The following SCARF1 variants were observed in gnomAD, a reference collection of about 807,000 sequenced individuals.
SCARF1 encodes acetyl LDL receptor.
SCARF1 carries 49 observed loss-of-function variants against 76.3 expected under a neutral mutation model. The observed-to-expected ratio is 0.64, with a 90% CI of 0.51 to 0.81. The LOEUF (loss-of-function observed/expected upper bound fraction) is 0.81. Among genes scored for constraint, SCARF1 ranks in the 40% least tolerant of loss-of-function variants. The pLI, the probability that SCARF1 is intolerant of heterozygous loss-of-function variation, is 0.00. For synonymous variants in SCARF1, 495 were observed against 474.6 expected, an observed-to-expected ratio of 1.04 and a Z score of -0.56; for missense variants, 1,098 against 1,143.9, an observed-to-expected ratio of 0.96 and a Z score of 0.58.
At chr17:1,635,674 C>A in intron 10 of SCARF1, 57 bp from the exon 11 acceptor site, 1 of 1,531,234 alleles carries the variant, frequency 6.5e-7, no homozygotes, top group South Asian at 1.2e-5. Context: ...CCAATGCATC[C>A]TACCCACAGC....
At chr17:1,642,862 C>T (rs963220576) in intron 4 of SCARF1, among the ~76,000 whole-genome samples, 1 of 152,050 alleles carries the variant, frequency 6.6e-6, no homozygotes, top group Non-Finnish European at 1.5e-5. Flanking sequence ...AGGCGCAGCC[C>T]GGCTAATTTT....
rs754479179 is a variant in SCARF1 at position 1,640,066 on chromosome 17, G to C, written c.1011-26C>G. On this transcript the variant is annotated intron_variant, in intron 5 of 10. Coordinates refer to ENST00000263071, the MANE Select transcript of SCARF1 (RefSeq NM_003693.4). The surrounding 1 kb of genome is among the most constrained non-coding windows in gnomAD (Gnocchi z 4.7). ...CTGGGGTGAGGCAAGACTCGGGGAA[G>C]GGGAGACCAAGGCAGGCCTGGCCCC... 21 of 1,610,654 alleles carry C rather than the reference G, an allele frequency of 1.3e-5. 1 individual carries two copies. In the East Asian group the frequency reaches 4.2e-4, roughly 32 times the overall value.
At chr17:1,636,916 A>C in intron 9 of SCARF1, 25 bp downstream of exon 9, 1 of 1,613,818 alleles carries the variant, frequency 6.2e-7, no homozygotes, top group Non-Finnish European at 8.5e-7. Context: ...CCAATCCCAG[A>C]CCCCGGCCCC....
intron 10 of SCARF1, among the ~76,000 whole-genome samples, chr17:1,636,358 G>A (rs1191927374): frequency 6.6e-6 from 1 of 152,186 alleles, no homozygotes; most frequent in Admixed American, 6.6e-5. Context: ...TTGCTGGCCA[G>A]GCGCAGTGGC....
chr17:1,635,462 TG>T lies in SCARF1; in HGVS notation c.1788del (p.Lys597SerfsTer92), dbSNP rs1268307873. ...KRPSVSFAEGTKFAPQSRRSS... is the reference protein window; with the variant it reads ...KRPSVSFAEGXKFAPQSRRSS... ...CTTCGGCGACTCTGTGGTGCAAACTTGGTACCTTCCGCGAAGGAGACCGATG... is the reference window on the plus strand; with the variant it reads ...CTTCGGCGACTCTGTGGTGCAAACTTGTACCTTCCGCGAAGGAGACCGATG... On this transcript the variant is annotated frameshift_variant, in exon 11 of 11. Coordinates refer to ENST00000263071, the MANE Select transcript of SCARF1 (RefSeq NM_003693.4). LOFTEE classifies it low-confidence loss of function (END_TRUNC). 3 of 1,613,932 alleles carry T rather than the reference TG, an allele frequency of 1.9e-6. No individual in the cohort carries two copies. Among genetic ancestry groups the T allele is most frequent in the Non-Finnish European group, 2.5e-6 (3 of 1,179,964 alleles).
chr17:1,644,701 T>C lies in SCARF1; in HGVS notation c.265+133A>G, dbSNP rs757935683. 3.6e-4 allele frequency: 298 copies of C among 832,286 alleles called. No individual in the cohort carries two copies. Among genetic ancestry groups the C allele is most frequent in the Non-Finnish European group, 5.2e-4 (271 of 523,734 alleles). The allele number at this position is 832,286 out of a possible 1,614,324, so 51.6% of individuals were successfully genotyped here. A position where few individuals can be genotyped will look rare whatever the true frequency, so the allele number is the denominator to read the frequency against. ...GTCACTTCCTGTCTCTGGACCGCAA[T>C]TCCTCAGTGAAGCTGGGGGGGATTC... On this transcript the variant is annotated intron_variant, in intron 3 of 10. Transcript: ENST00000263071. The surrounding 1 kb of genome is among the most constrained non-coding windows in gnomAD (Gnocchi z 4.8).
In SCARF1 at chr17:1,639,632, A is replaced by G. The variant is rs1413310054; in HGVS notation, c.1243+7T>C. The G allele has an allele frequency of 6.4e-7, 1 of 1,555,288 alleles. No homozygotes were observed. The highest frequency in any genetic ancestry group is 2.4e-5 in the East Asian group (1 of 42,026). ...CTACTGCACCCCGCAGCCTTCTTCC[A>G]CCTTACCTGGCTGGCAGGACCCAGA... On this transcript the variant is annotated splice_region_variant and intron_variant, in intron 7 of 10. Transcript: ENST00000263071.
At position 1,644,530 on chromosome 17, in the gene SCARF1, G is replaced by C; in HGVS notation, c.265+304C>G. The C allele has an allele frequency of 1.8e-6, 1 of 541,794 alleles. No individual in the cohort carries two copies. Among genetic ancestry groups the C allele is most frequent in the Non-Finnish European group, 3.3e-6 (1 of 301,262 alleles). 33.6% of individuals were successfully genotyped at this position (541,794 alleles called of 1,614,324 possible). On this transcript the variant is annotated intron_variant, in intron 3 of 10. Transcript: ENST00000263071. The surrounding 1 kb of genome is among the most constrained non-coding windows in gnomAD (Gnocchi z 4.8). ...TCCACTGCCCATGTATAAGGTATAT[G>C]TGGGAAAGGCAAGTAATACACTCAT...
At chr17:1,635,767 G>T in intron 10 of SCARF1, 150 bp from the exon 11 acceptor site, 1 of 849,352 alleles carries the variant, frequency 1.2e-6, no homozygotes, top group Non-Finnish European at 1.7e-6. Flanking sequence ...AATTCAGGTA[G>T]ACACTGTTAC....
Position 1,644,987 on chromosome 17 carries a change from C to G in SCARF1, c.164-52G>C, listed in dbSNP as rs758680721. ...AAGACGGGAGCAGGACCAGGGGACA[C>G]CCCTGCCCTCTCACTGGCTCCAGGG... On this transcript the variant is annotated intron_variant, in intron 2 of 10. Coordinates refer to ENST00000263071, the MANE Select transcript of SCARF1 (RefSeq NM_003693.4). The surrounding 1 kb of genome is among the most constrained non-coding windows in gnomAD (Gnocchi z 4.8). 15 of 1,585,588 alleles carry G rather than the reference C, an allele frequency of 9.5e-6. No individual in the cohort carries two copies. The highest frequency in any genetic ancestry group is 2.7e-5 in the African/African-American group (2 of 74,584).
In SCARF1 at chr17:1,640,366, GGGTGGTGCTCTCGGAGAGAGCC is replaced by G. The variant is rs542751435; in HGVS notation, c.1010+60_1010+81del. The stretch of plus-strand genomic sequence containing the variant: ...GCCGCATGAACCTGTGTGTCGGGGA[GGGTGGTGCTCTCGGAGAGAGCC>G]GCTGAGCTGAGGGTCCTGGGGGAAG... On this transcript the variant is annotated intron_variant, in intron 5 of 10. Transcript: ENST00000263071. The surrounding 1 kb of genome is among the most constrained non-coding windows in gnomAD (Gnocchi z 4.7). 1.3e-3 allele frequency: 1,659 copies of G among 1,267,076 alleles called. 4 individuals are homozygous for G. Among genetic ancestry groups the G allele is most frequent in the Middle Eastern group, 4.1e-3 (15 of 3,662 alleles). 78.5% of individuals were successfully genotyped at this position (1,267,076 alleles called of 1,614,324 possible). A position where few individuals can be genotyped will look rare whatever the true frequency, so the allele number is the denominator to read the frequency against.
In SCARF1 at chr17:1,634,920, G is replaced by A. The variant is rs756626887; in HGVS notation, c.2331C>T (p.Val777=). 3.7e-6 allele frequency: 6 copies of A among 1,613,452 alleles called. No individual in the cohort carries two copies. The highest frequency in any genetic ancestry group is 3.3e-5 in the South Asian group (3 of 91,074). Residue 777 remains valine, a synonymous_variant, in exon 11 of 11, where the codon GTC becomes GTT. Transcript: ENST00000263071. ...TCTCGGTGCCAGCCCCCAGCCCCCG[G>A]ACCGCTTCCTCTGGTCTGACTGCCA... is the stretch of plus-strand genomic sequence containing the variant. ...GPMAVRPEEA[V]RGLGAGTESS...
chr17:1,643,677 A>C lies in SCARF1; in HGVS notation c.556T>G (p.Trp186Gly), dbSNP rs1399928641. ...TGACVCKPGW[W>G]GRRCSFRCNC... ...CAGCGGAAGCTGCAGCGGCGCCCCC[A>C]CCAGCCCGGCTTGCACACGCAGGCG... The change falls in exon 4 of 11, where the codon TGG (tryptophan) becomes GGG (glycine). Residue 186 changes from tryptophan (W) to glycine (G), a missense_variant. By Grantham distance (184) the Trp-to-Gly change is radical (BLOSUM62 -2). Transcript: ENST00000263071. The C allele has an allele frequency of 4.8e-6, 7 of 1,464,294 alleles. No individual in the cohort carries two copies. The highest frequency in any genetic ancestry group is 6.3e-6 in the Non-Finnish European group (7 of 1,115,272). The allele number at this position is 1,464,294 out of a possible 1,614,324, so 90.7% of individuals were successfully genotyped here.
In SCARF1 at chr17:1,635,208, G is replaced by A. The variant is rs1909434798; in HGVS notation, c.2043C>T (p.Val681=). ...TGGTCACAGGGCCCGAGCTCTCCTGGACGCTGCCCTCAATGGCTTCCACGT... is the reference window on the plus strand; with the variant it reads ...TGGTCACAGGGCCCGAGCTCTCCTGAACGCTGCCCTCAATGGCTTCCACGT... ...AEHVEAIEGS[V]QESSGPVTTI... The change falls in exon 11 of 11, where the codon GTC becomes GTT. Residue 681 remains valine, a synonymous_variant. Transcript: ENST00000263071. 4.3e-6 allele frequency: 7 copies of A among 1,613,334 alleles called. No individual in the cohort carries two copies. Among genetic ancestry groups the A allele is most frequent in the Admixed American group, 1.7e-5 (1 of 60,032 alleles).
chr17:1,640,659 G>A lies in SCARF1; in HGVS notation c.799C>T (p.Arg267Cys), dbSNP rs748661614. 16 of 1,611,502 alleles carry A rather than the reference G, an allele frequency of 9.9e-6. No individual in the cohort carries two copies. Among genetic ancestry groups the A allele is most frequent in the African/African-American group, 2.7e-5 (2 of 74,864 alleles). Residue 267 changes from arginine to cysteine, a missense_variant, in exon 5 of 11, where the codon CGC (arginine) becomes TGC (cysteine). Physicochemically the swap from Arg to Cys is radical, Grantham distance 180. Transcript: ENST00000263071. The surrounding 1 kb of genome is among the most constrained non-coding windows in gnomAD (Gnocchi z 4.7). The stretch of plus-strand genomic sequence containing the variant: ...GAGCACGGCTCATTGTGTTTGCAGC[G>A]GCCACAGCTGGGAAGAGAAGGGCTT... ...HGVQCAHSCG[R>C]CKHNEPCSPD...
At position 1,633,899 on chromosome 17, in the gene SCARF1, G is replaced by T. The variant is rs539524921; in HGVS notation, c.*859C>A. 2.0e-5 allele frequency: 3 copies of T among 152,098 alleles called. No individual in the cohort carries two copies. In the East Asian group the frequency reaches 5.8e-4, roughly 29 times the overall value. The allele number at this position is 152,098 out of a possible 1,614,324, so 9.4% of individuals were successfully genotyped here. On this transcript the variant is annotated 3_prime_UTR_variant, in exon 11 of 11. Transcript: ENST00000263071. ...TAGTACTTTTTATTTTTTTAACAAA[G>T]ATCATTGCTTTTTATTATACTTTAT...
At position 1,644,137 on chromosome 17, in the gene SCARF1, G is replaced by T. The variant is rs1365239023; in HGVS notation, c.266-170C>A. ...CTGGGCAACACTCACTTCCTGCTCC[G>T]CTCTGACCTACAGAAAACCCTTAGC... On this transcript the variant is annotated intron_variant, in intron 3 of 10. Coordinates refer to ENST00000263071, the MANE Select transcript of SCARF1 (RefSeq NM_003693.4). The surrounding 1 kb of genome is among the most constrained non-coding windows in gnomAD (Gnocchi z 4.8). 3 of 463,096 alleles carry T rather than the reference G, an allele frequency of 6.5e-6. No homozygotes were observed. The highest frequency in any genetic ancestry group is 1.1e-5 in the Non-Finnish European group (3 of 284,598). The allele number at this position is 463,096 out of a possible 1,614,324, so 28.7% of individuals were successfully genotyped here. A position where few individuals can be genotyped will look rare whatever the true frequency, so the allele number is the denominator to read the frequency against.
chr17:1,634,796 C>T lies in SCARF1; in HGVS notation c.2455G>A (p.Glu819Lys). ...GGCCTGGAGATGGGTACAACATTCTCATACTCAGGTTCCTCCTGCCTTTCC... is the reference window on the plus strand; with the variant it reads ...GGCCTGGAGATGGGTACAACATTCTTATACTCAGGTTCCTCCTGCCTTTCC... Reference protein sequence around the residue: ...EEERQEEPEYENVVPISRPPE... With the variant: ...EEERQEEPEYKNVVPISRPPE... The change falls in exon 11 of 11, where the codon GAG (glutamate) becomes AAG (lysine). Residue 819 changes from glutamate (E) to lysine (K), a missense_variant. Transcript: ENST00000263071. The T allele has an allele frequency of 6.2e-7, 1 of 1,610,302 alleles. No homozygotes were observed.
intron 4 of SCARF1, among the ~76,000 whole-genome samples, chr17:1,641,345 G>C (rs538010046): frequency 6.6e-6 from 1 of 152,208 alleles, no homozygotes; most frequent in African/African-American, 2.4e-5. Flanking sequence ...CTGATGATCT[G>C]TCACTGTCTC....
Sources: allele counts gnomAD v4.1 joint callset (sites outside exome capture counted in the v4.1 genomes callset), GRCh38; gene constraint gnomAD v4.1.1; non-coding constraint Gnocchi (gnomAD v3.1); transcripts MANE v1.5; gene names NCBI Gene and HGNC (gene_info 2026-07-23, HGNC 2026-07-21).